NXN: variants seen among roughly 807,000 people sequenced by gnomAD.
The protein encoded by NXN is nucleoredoxin 1.
In NXN, 16 loss-of-function variants were observed where a neutral mutation model predicts 48.6. That is an observed-to-expected ratio of 0.33 (90% CI 0.22 to 0.50). The LOEUF (loss-of-function observed/expected upper bound fraction) is 0.50, where lower values mean the gene tolerates loss of function less well. Among genes scored for constraint, NXN ranks in the 20% least tolerant of loss-of-function variants. The probability of loss-of-function intolerance (pLI) is 0.98; values close to 1 mark genes in which losing one functional copy is unlikely to be tolerated. For missense variants in NXN, 492 were observed against 605.5 expected (o/e 0.81, Z 1.97); for synonymous variants, 281 against 269.6 (o/e 1.04, Z -0.41).
chr17:947,026 G>T (rs541413126), intron 1 of NXN, among the ~76,000 whole-genome samples: 1 of 152,154 alleles, frequency 6.6e-6, no homozygotes. Context: ...TCCAGGGGCC[G>T]CATGAGGAGA....
intron 1 of NXN, among the ~76,000 whole-genome samples, chr17:921,348 C>T (rs2068748548): frequency 6.6e-6 from 1 of 152,142 alleles, no homozygotes; most frequent in South Asian, 2.1e-4. Context: ...ACTCACAAGC[C>T]GGCTCTCAGC....
intron 1 of NXN, among the ~76,000 whole-genome samples, chr17:945,152 G>A (rs920258711): frequency 1.3e-5 from 2 of 152,124 alleles, no homozygotes; most frequent in East Asian, 3.9e-4. Flanking sequence ...CACAGTCTCG[G>A]CTCACTGTAA....
At chr17:884,854 T>C (rs1272835633) in intron 1 of NXN, among the ~76,000 whole-genome samples, 3 of 152,216 alleles carry the variant, frequency 2.0e-5, no homozygotes, top group African/African-American at 4.8e-5. Flanking sequence ...GTGAACAGTT[T>C]TGAAACATCT....
intron 1 of NXN, among the ~76,000 whole-genome samples, chr17:904,907 C>T (rs1174456976): frequency 6.6e-6 from 1 of 152,082 alleles, no homozygotes; most frequent in Non-Finnish European, 1.5e-5. Flanking sequence ...CTTAGAGAAG[C>T]AGAGTCTGTA....
intron 1 of NXN, among the ~76,000 whole-genome samples, chr17:873,362 T>TG (rs960704133): frequency 2.6e-5 from 4 of 151,338 alleles, no homozygotes; most frequent in Non-Finnish European, 5.9e-5. Flanking sequence ...CCAGGTGTGG[T>TG]GGGGGGTGCC....
At chr17:885,164 A>G (rs2068329424) in intron 1 of NXN, among the ~76,000 whole-genome samples, 1 of 152,220 alleles carries the variant, frequency 6.6e-6, no homozygotes, top group African/African-American at 2.4e-5. Flanking sequence ...ACAGAGACTA[A>G]TAAGACTCAA....
At chr17:848,199 A>C (rs984100822) in intron 1 of NXN, among the ~76,000 whole-genome samples, 7 of 151,882 alleles carry the variant, frequency 4.6e-5, no homozygotes, top group Non-Finnish European at 7.4e-5. Flanking sequence ...GTGCAATGGC[A>C]CGATCTCGGC....
intron 1 of NXN, among the ~76,000 whole-genome samples, chr17:843,015 A>T (rs1914442329): frequency 2.0e-5 from 2 of 98,970 alleles, no homozygotes; most frequent in Non-Finnish European, 4.5e-5. Flanking sequence ...AGAGAAAGAA[A>T]GAAAGAAAGA....
chr17:931,586 C>T (rs997667776), intron 1 of NXN, among the ~76,000 whole-genome samples: 3 of 151,660 alleles, frequency 2.0e-5, no homozygotes, highest in African/African-American at 7.3e-5. Context: ...CCTGTAATCC[C>T]AGCACTTTGG....
chr17:975,167 C>A (rs1411900907), intron 1 of NXN, among the ~76,000 whole-genome samples: 6 of 152,094 alleles, frequency 3.9e-5, no homozygotes, highest in Non-Finnish European at 7.4e-5. Flanking sequence ...AAAGACTGGC[C>A]CAAGTCCTAG....
At chr17:962,153 G>C (rs2069245424) in intron 1 of NXN, among the ~76,000 whole-genome samples, 1 of 152,072 alleles carries the variant, frequency 6.6e-6, no homozygotes, top group Admixed American at 6.6e-5. Flanking sequence ...AGAAAAGAAG[G>C]AACATTCAGG....
chr17:937,978 G>T (rs191438598), intron 1 of NXN, among the ~76,000 whole-genome samples: 98 of 152,358 alleles, frequency 6.4e-4, no homozygotes, highest in African/African-American at 2.1e-3. Flanking sequence ...AGGGGCCGTC[G>T]CTGAAGAAGA....
At chr17:935,198 T>C (rs2068895592) in intron 1 of NXN, among the ~76,000 whole-genome samples, 1 of 152,064 alleles carries the variant, frequency 6.6e-6, no homozygotes, top group African/African-American at 2.4e-5. Context: ...TTTACCATGT[T>C]GGCCAGGATG....
intron 5 of NXN, among the ~76,000 whole-genome samples, chr17:809,208 A>C (rs1235090068): frequency 2.0e-5 from 3 of 152,132 alleles, no homozygotes; most frequent in South Asian, 2.1e-4. Context: ...CCACCATCCC[A>C]AGCTACACTC....
intron 1 of NXN, chr17:929,847 T>C (rs1390364707): frequency 6.6e-6 from 1 of 152,022 alleles, no homozygotes; most frequent in African/African-American, 2.4e-5. Flanking sequence ...GACAGCTGAT[T>C]CCCATTTACA....
chr17:872,032 G>A (rs1320124094), intron 1 of NXN, among the ~76,000 whole-genome samples: 1 of 152,126 alleles, frequency 6.6e-6, no homozygotes, highest in Non-Finnish European at 1.5e-5. Flanking sequence ...TGAAAAAGTT[G>A]AGGACTGTGA....
At chr17:813,454 A>T (rs1912283878) in intron 5 of NXN, among the ~76,000 whole-genome samples, 1 of 152,224 alleles carries the variant, frequency 6.6e-6, no homozygotes, top group South Asian at 2.1e-4. Context: ...GGAATGCCGC[A>T]CGTGGGGCTC....
At chr17:939,008 C>T (rs2068939531) in intron 1 of NXN, among the ~76,000 whole-genome samples, 1 of 151,606 alleles carries the variant, frequency 6.6e-6, no homozygotes, top group South Asian at 2.1e-4. Flanking sequence ...GCCAAGATCT[C>T]ACCGCTGCAC....
intron 1 of NXN, among the ~76,000 whole-genome samples, chr17:903,026 C>T (rs2068551160): frequency 6.6e-6 from 1 of 151,724 alleles, no homozygotes; most frequent in Admixed American, 6.6e-5. Flanking sequence ...CCACCTCGGC[C>T]TCCCAAAGAG....
Sources: allele counts gnomAD v4.1 joint callset (sites outside exome capture counted in the v4.1 genomes callset), GRCh38; gene constraint gnomAD v4.1.1; transcripts MANE v1.5; gene names NCBI Gene and HGNC (gene_info 2026-07-23, HGNC 2026-07-21).